CD99L2: variants seen among roughly 807,000 people sequenced by gnomAD.
CD99L2 encodes the protein CD99 molecule like 2, also known as CD99 antigen-like protein 2.
Under a neutral mutation model 27.3 loss-of-function variants are expected in CD99L2, and 24 were observed. The ratio of observed to expected loss-of-function variants is 0.88; its 90% CI spans 0.64 to 1.24. The LOEUF (loss-of-function observed/expected upper bound fraction) is 1.24. Among genes scored for constraint, CD99L2 ranks in the 50% most tolerant of loss-of-function variants. The pLI is 0.00. For synonymous variants in CD99L2, 97 were observed against 87.9 expected, an observed-to-expected ratio of 1.10 and a Z score of -0.58; for missense variants, 255 against 221.6, an observed-to-expected ratio of 1.15 and a Z score of -0.96.
intron 1 of CD99L2, among the ~76,000 whole-genome samples, chrX:150,839,907 G>A (rs1041630810): frequency 1.8e-4 from 20 of 108,945 alleles, no homozygotes; most frequent in Non-Finnish European, 3.1e-4. Flanking sequence ...GTGTGGTGGT[G>A]CATGCCTGTA....
intron 1 of CD99L2, among the ~76,000 whole-genome samples, chrX:150,851,240 T>A (rs187958376): frequency 8.9e-6 from 1 of 112,145 alleles, no homozygotes; most frequent in Non-Finnish European, 1.9e-5. Flanking sequence ...GGCAAATTGC[T>A]CCCATCTTCT....
intron 1 of CD99L2, among the ~76,000 whole-genome samples, chrX:150,862,973 T>C (rs997373610): frequency 1.8e-5 from 2 of 112,824 alleles, no homozygotes; most frequent in Non-Finnish European, 3.7e-5. Context: ...GAATTCATTC[T>C]ATATCCTGTT....
intron 1 of CD99L2, among the ~76,000 whole-genome samples, chrX:150,855,668 G>A (rs2046872062): frequency 9.0e-6 from 1 of 111,313 alleles, no homozygotes; most frequent in South Asian, 3.9e-4. Flanking sequence ...CATATCACTG[G>A]TGTCCTTATA....
At chrX:150,770,474 C>T (rs2043425815) in intron 9 of CD99L2, 105 bp from the exon 10 acceptor site, 2 of 711,223 alleles carry the variant, frequency 2.8e-6, no homozygotes, top group South Asian at 2.5e-5. Flanking sequence ...AAAAGCAGCA[C>T]AGCTCCCCTG....
chrX:150,778,322 CTG>C (rs2045439239), intron 7 of CD99L2, among the ~76,000 whole-genome samples: 1 of 110,302 alleles, frequency 9.1e-6, no homozygotes, highest in Admixed American at 9.7e-5. Context: ...TGGAGGGAGA[CTG>C]TGTTCCCAGA....
intron 10 of CD99L2, among the ~76,000 whole-genome samples, chrX:150,769,541 C>T (rs1161265802): frequency 2.7e-5 from 3 of 112,428 alleles, no homozygotes; most frequent in Non-Finnish European, 5.6e-5. Flanking sequence ...CCGTCTTCAG[C>T]AGCATTGTAG....
chrX:150,767,050 G>A lies in CD99L2; in HGVS notation c.*1984C>T, dbSNP rs7987. On this transcript the variant is annotated 3_prime_UTR_variant, in exon 11 of 11. Transcript: ENST00000370377. ...TAGGGTTTCAAGGACTTAGCCATCCGACAGGCCTCACCATAAAGGTAAAGT... is the reference window on the plus strand; with the variant it reads ...TAGGGTTTCAAGGACTTAGCCATCCAACAGGCCTCACCATAAAGGTAAAGT... The A allele has an allele frequency of 0.032, 3,624 of 111,872 alleles. 49 individuals are homozygous for A. The highest frequency in any genetic ancestry group is 0.094 in the South Asian group (249 of 2,640). 9.2% of individuals were successfully genotyped at this position (111,872 alleles called of 1,213,427 possible).
At chrX:150,772,781 T>A (rs1157367128) in intron 9 of CD99L2, among the ~76,000 whole-genome samples, 1 of 110,516 alleles carries the variant, frequency 9.0e-6, no homozygotes, top group Non-Finnish European at 1.9e-5. Flanking sequence ...GTGGCACAAA[T>A]CCCAGGACTG....
intron 1 of CD99L2, among the ~76,000 whole-genome samples, chrX:150,894,125 A>G (rs1230347409): frequency 9.1e-6 from 1 of 110,431 alleles, no homozygotes; most frequent in African/African-American, 3.3e-5. Context: ...CCAAACAGAA[A>G]CCCCTTGCCC....
chrX:150,844,712 T>G (rs868926665), intron 1 of CD99L2, among the ~76,000 whole-genome samples: 24 of 111,880 alleles, frequency 2.1e-4, no homozygotes, highest in Middle Eastern at 4.6e-3. Context: ...CCACCTGAGC[T>G]CCAAATAATT....
chrX:150,782,092 A>G (rs974365826), intron 7 of CD99L2, among the ~76,000 whole-genome samples: 11 of 112,127 alleles, frequency 9.8e-5, no homozygotes, highest in African/African-American at 1.3e-4. Context: ...TAGGAAGATT[A>G]TAACTGCTGG....
At chrX:150,827,828 G>A (rs1024541613) in intron 2 of CD99L2, among the ~76,000 whole-genome samples, 13 of 111,475 alleles carry the variant, frequency 1.2e-4, no homozygotes, top group African/African-American at 3.9e-4. Flanking sequence ...GTGAGGTAAC[G>A]GTCCAACTTC....
At chrX:150,827,366 T>C (rs1323810917) in intron 2 of CD99L2, among the ~76,000 whole-genome samples, 1 of 110,962 alleles carries the variant, frequency 9.0e-6, no homozygotes. Context: ...AACACATACA[T>C]CACATACAGG....
intron 1 of CD99L2, among the ~76,000 whole-genome samples, chrX:150,883,113 C>T (rs916738228): frequency 3.6e-5 from 4 of 112,059 alleles, no homozygotes; most frequent in African/African-American, 6.5e-5. Flanking sequence ...CGCTTGAAGC[C>T]GGGAGGCGGA....
chrX:150,797,172 A>C (rs539550814), intron 4 of CD99L2, among the ~76,000 whole-genome samples: 2 of 111,513 alleles, frequency 1.8e-5, no homozygotes, highest in South Asian at 7.4e-4. Context: ...AGATCCATGA[A>C]ACTGAAAATA....
chrX:150,827,546 G>A (rs939969150), intron 2 of CD99L2, among the ~76,000 whole-genome samples: 3 of 111,960 alleles, frequency 2.7e-5, no homozygotes, highest in African/African-American at 9.7e-5. Context: ...CAAATTTATT[G>A]AAAGTCTATT....
chrX:150,801,430 C>T (rs982259932), intron 4 of CD99L2, among the ~76,000 whole-genome samples: 7 of 111,317 alleles, frequency 6.3e-5, no homozygotes, highest in African/African-American at 1.6e-4. Context: ...AGGAGCAAAG[C>T]GGGAACTGCC....
chrX:150,795,342 G>C (rs1307636903), intron 5 of CD99L2, 53 bp from the exon 6 acceptor site: 3 of 1,203,479 alleles, frequency 2.5e-6, no homozygotes, highest in Non-Finnish European at 3.4e-6. Context: ...TCTATGGGTA[G>C]CTCATTTGGA....
chrX:150,810,251 G>GA (rs1603296397), intron 4 of CD99L2, among the ~76,000 whole-genome samples: 1 of 111,744 alleles, frequency 8.9e-6, no homozygotes, highest in African/African-American at 3.3e-5. Flanking sequence ...TAAAAGCAAA[G>GA]AAAGTGTGCT....
Sources: allele counts gnomAD v4.1 joint callset (sites outside exome capture counted in the v4.1 genomes callset), GRCh38; gene constraint gnomAD v4.1.1; transcripts MANE v1.5; gene names NCBI Gene and HGNC (gene_info 2026-07-23, HGNC 2026-07-21).